Variants in SLC2A9 observed in about 807,000 individuals in gnomAD.
The protein encoded by SLC2A9 is solute carrier family 2, facilitated glucose transporter member 9.
SLC2A9 carries 39 observed loss-of-function variants against 50.6 expected under a neutral mutation model. That is an observed-to-expected ratio of 0.77 (90% CI 0.60 to 1.01). The LOEUF (loss-of-function observed/expected upper bound fraction) is 1.01, where lower values mean the gene tolerates loss of function less well. Among genes scored for constraint, SLC2A9 ranks in the 50% least tolerant of loss-of-function variants. The pLI, the probability that SLC2A9 is intolerant of heterozygous loss-of-function variation, is 0.00. For synonymous variants in SLC2A9, 324 were observed against 276.9 expected (o/e 1.17, Z -1.69); for missense variants, 686 against 677.6 (o/e 1.01, Z -0.14).
At chr4:9,870,732 T>C (rs556894338) in intron 10 of SLC2A9, among the ~76,000 whole-genome samples, 1 of 151,954 alleles carries the variant, frequency 6.6e-6, no homozygotes, top group African/African-American at 2.4e-5. Context: ...GACTTTGGAG[T>C]TGGGCAGGCA....
chr4:10,037,866 G>A (rs919558481), intron 1 of SLC2A9, among the ~76,000 whole-genome samples: 4 of 152,126 alleles, frequency 2.6e-5, no homozygotes, highest in Admixed American at 6.5e-5. Context: ...CACGAGAATC[G>A]CTAGAACCTG....
At position 9,835,027 on chromosome 4, in the gene SLC2A9, G is replaced by C; in HGVS notation, c.1292-19C>G. 1 of 1,612,648 alleles carries C rather than the reference G, an allele frequency of 6.2e-7. No individual in the cohort carries two copies. Among genetic ancestry groups the C allele is most frequent in the Non-Finnish European group, 8.5e-7 (1 of 1,179,876 alleles). ...ATGCCACCTGCAGTGTGTGAGCCAG[G>C]ACATGGAATTAATCACTCTGAGAAG... On this transcript the variant is annotated intron_variant, in intron 10 of 11. Transcript: ENST00000264784.
At chr4:9,959,459 A>T (rs568645357) in intron 5 of SLC2A9, among the ~76,000 whole-genome samples, 5 of 152,038 alleles carry the variant, frequency 3.3e-5, no homozygotes, top group Non-Finnish European at 2.9e-5. Flanking sequence ...CTTAGACATC[A>T]ATGGATAATA....
At chr4:9,806,334 T>C (rs1019266089) in intron 3 of SLC2A9, among the ~76,000 whole-genome samples, 2 of 152,270 alleles carry the variant, frequency 1.3e-5, no homozygotes, top group Admixed American at 1.3e-4. Context: ...ATGAGCGATC[T>C]GTGCCTTAAG....
At chr4:9,820,218 AT>A (rs1167549577) in intron 3 of SLC2A9, among the ~76,000 whole-genome samples, 1 of 152,220 alleles carries the variant, frequency 6.6e-6, no homozygotes, top group Non-Finnish European at 1.5e-5. Flanking sequence ...TTTCAGAACC[AT>A]TGTAGAAAAG....
intron 10 of SLC2A9, among the ~76,000 whole-genome samples, chr4:9,851,936 T>A (rs1697941724): frequency 6.6e-6 from 1 of 152,058 alleles, no homozygotes; most frequent in South Asian, 2.1e-4. Flanking sequence ...AGAGAGCAAA[T>A]CTATGACTCA....
intron 10 of SLC2A9, among the ~76,000 whole-genome samples, chr4:9,861,606 C>G (rs1017644629): frequency 6.6e-6 from 1 of 152,108 alleles, no homozygotes; most frequent in African/African-American, 2.4e-5. Context: ...ATGCACTGCT[C>G]CAATTTCTAC....
intron 5 of SLC2A9, among the ~76,000 whole-genome samples, chr4:9,974,073 T>TA (rs1276659249): frequency 6.6e-6 from 1 of 152,138 alleles, no homozygotes; most frequent in Non-Finnish European, 1.5e-5. Flanking sequence ...AATGTTTTGA[T>TA]AAAATCCAAC....
chr4:9,827,654 G>T (rs143972797), intron 11 of SLC2A9, among the ~76,000 whole-genome samples: 3 of 152,206 alleles, frequency 2.0e-5, no homozygotes, highest in African/African-American at 7.2e-5. Context: ...TGAAAAAGAG[G>T]ATAATCATGG....
chr4:9,938,294 T>C (rs1042556956), intron 6 of SLC2A9, among the ~76,000 whole-genome samples: 3 of 137,670 alleles, frequency 2.2e-5, no homozygotes, highest in Non-Finnish European at 3.0e-5. Flanking sequence ...TTTTTTGAGA[T>C]GGAGTCTCAC....
At chr4:9,852,460 G>A (rs545734001) in intron 10 of SLC2A9, among the ~76,000 whole-genome samples, 111 of 151,468 alleles carry the variant, frequency 7.3e-4, no homozygotes, top group Non-Finnish European at 1.3e-3. Context: ...CACCTTGTTA[G>A]CCAGGATGGT....
intron 10 of SLC2A9, among the ~76,000 whole-genome samples, chr4:9,836,756 C>T (rs550106309): frequency 6.6e-6 from 1 of 152,262 alleles, no homozygotes; most frequent in African/African-American, 2.4e-5. Context: ...GGAGAAAAGC[C>T]TGGAGGGTGT....
At chr4:9,946,229 G>T (rs1749119699) in intron 5 of SLC2A9, among the ~76,000 whole-genome samples, 1 of 100,442 alleles carries the variant, frequency 1.0e-5, no homozygotes, top group African/African-American at 5.9e-5. Context: ...AGGCGAATGG[G>T]CTTTGCAATT....
chr4:9,908,456 A>G, intron 7 of SLC2A9, 111 bp from the exon 8 acceptor site: 6 of 738,898 alleles, frequency 8.1e-6, no homozygotes, highest in Middle Eastern at 2.4e-4. Flanking sequence ...CAGAGTCCCA[A>G]GGTGGAGAGG....
At chr4:9,828,497 C>A (rs1725502373) in intron 11 of SLC2A9, among the ~76,000 whole-genome samples, 1 of 152,226 alleles carries the variant, frequency 6.6e-6, no homozygotes, top group South Asian at 2.1e-4. Context: ...ACCATGGCCT[C>A]CAAGGCCACC....
At chr4:9,802,390 G>A (rs969345092) in intron 3 of SLC2A9, among the ~76,000 whole-genome samples, 15 of 151,812 alleles carry the variant, frequency 9.9e-5, no homozygotes, top group African/African-American at 2.7e-4. Context: ...CCCCTGCAGC[G>A]CCTCCCCAGG....
At chr4:9,947,609 G>A (rs1200201229) in intron 5 of SLC2A9, among the ~76,000 whole-genome samples, 1 of 152,132 alleles carries the variant, frequency 6.6e-6, no homozygotes. Flanking sequence ...ATAATTCCTA[G>A]AGCTAGTAAA....
chr4:9,906,476 T>C (rs1740683313), intron 8 of SLC2A9, among the ~76,000 whole-genome samples: 1 of 152,196 alleles, frequency 6.6e-6, no homozygotes, highest in Admixed American at 6.6e-5. Context: ...TGGAGAGTCA[T>C]TCTGACATAA....
intron 8 of SLC2A9, among the ~76,000 whole-genome samples, chr4:9,904,337 C>A (rs1456771991): frequency 6.6e-6 from 1 of 152,202 alleles, no homozygotes; most frequent in Non-Finnish European, 1.5e-5. Flanking sequence ...AGAACATCTG[C>A]ATTCCTGGGC....
Sources: allele counts gnomAD v4.1 joint callset (sites outside exome capture counted in the v4.1 genomes callset), GRCh38; gene constraint gnomAD v4.1.1; transcripts MANE v1.5; gene names NCBI Gene and HGNC (gene_info 2026-07-23, HGNC 2026-07-21).